Variants in PIBF1 observed in about 807,000 individuals in gnomAD.
PIBF1 encodes the protein progesterone-induced-blocking factor 1.
A neutral mutation model predicts 112.5 loss-of-function variants in PIBF1; 90 were observed. That is an observed-to-expected ratio of 0.80 (90% CI 0.67 to 0.95). The LOEUF is 0.95. Ranked by LOEUF, PIBF1 falls within the 40% of genes least tolerant of loss-of-function variation. The pLI, the probability that PIBF1 is intolerant of heterozygous loss-of-function variation, is 0.00. For missense variants in PIBF1, 915 were observed against 852.3 expected (o/e 1.07, Z -0.92); for synonymous variants, 301 against 288.6 (o/e 1.04, Z -0.44).
intron 5 of PIBF1, among the ~76,000 whole-genome samples, chr13:72,800,508 A>G (rs2035416415): frequency 6.6e-6 from 1 of 152,216 alleles, no homozygotes; most frequent in South Asian, 2.1e-4. Flanking sequence ...ATGATCTTGG[A>G]TAAAAAACAG....
Position 72,890,857 on chromosome 13 carries a change from A to AG in PIBF1, c.1323-2927_1323-2926insG, listed in dbSNP as rs1296549317. Reference sequence around the variant, plus strand: ...ACTTTTGTAGCTATGTTTGTTCAACATTTTCAGAGTTCAGTTTAACAAAAT... The same window carrying AG: ...ACTTTTGTAGCTATGTTTGTTCAACAGTTTTCAGAGTTCAGTTTAACAAAAT... On this transcript the variant is annotated intron_variant, in intron 10 of 17. Transcript: ENST00000326291. Among the ~76,000 whole-genome samples, 16 of 152,228 alleles carry AG rather than the reference A, an allele frequency of 1.1e-4. No homozygotes were observed. The East Asian group carries it at 3.1e-3, about 29-fold the overall frequency.
chr13:72,937,555 C>T (rs966734760), intron 14 of PIBF1, among the ~76,000 whole-genome samples: 1 of 152,170 alleles, frequency 6.6e-6, no homozygotes, highest in African/African-American at 2.4e-5. Context: ...CACAGTGGCT[C>T]ATGCCTGTAA....
Position 72,944,257 on chromosome 13 carries a change from G to T in PIBF1, c.1833+12990G>T, listed in dbSNP as rs944381238. On this transcript the variant is annotated intron_variant, in intron 14 of 17. Transcript: ENST00000326291. ...AGGTCAGGAGTTGAAGACCAGCCTG[G>T]CCAACATGGTGAAACCCTGTCTCTA... Among the ~76,000 whole-genome samples the T allele has an allele frequency of 3.9e-5, 6 of 151,938 alleles. No individual in the cohort carries two copies. In the South Asian group the frequency reaches 1.2e-3, roughly 31 times the overall value.
intron 14 of PIBF1, among the ~76,000 whole-genome samples, chr13:72,956,439 C>A (rs1294798060): frequency 6.6e-6 from 1 of 152,050 alleles, no homozygotes; most frequent in Non-Finnish European, 1.5e-5. Flanking sequence ...AAAGTTAATA[C>A]CCTATCTTTG....
chr13:72,850,986 T>C (rs1390784476), intron 9 of PIBF1, among the ~76,000 whole-genome samples: 2 of 152,258 alleles, frequency 1.3e-5, no homozygotes, highest in Admixed American at 1.3e-4. Flanking sequence ...ATTTTATTTC[T>C]GGCTTATCAA....
chr13:72,867,003 A>G (rs1395590038), intron 10 of PIBF1, among the ~76,000 whole-genome samples: 3 of 152,194 alleles, frequency 2.0e-5, no homozygotes, highest in Non-Finnish European at 2.9e-5. Flanking sequence ...AAAAACAACC[A>G]ATATATAAGT....
chr13:73,008,997 CA>C (rs1422441619), intron 17 of PIBF1, among the ~76,000 whole-genome samples: 3 of 152,194 alleles, frequency 2.0e-5, no homozygotes, highest in Non-Finnish European at 4.4e-5. Flanking sequence ...ATAACTATTT[CA>C]GGACAAGTAT....
At chr13:72,965,451 C>A in intron 15 of PIBF1, 47 bp downstream of exon 15, 1 of 1,470,500 alleles carries the variant, frequency 6.8e-7, no homozygotes, top group Non-Finnish European at 9.3e-7. Context: ...GACATTGTTA[C>A]CATATTGCTG....
At chr13:72,864,994 A>C (rs1408605314) in intron 10 of PIBF1, among the ~76,000 whole-genome samples, 1 of 152,194 alleles carries the variant, frequency 6.6e-6, no homozygotes, top group East Asian at 1.9e-4. Flanking sequence ...TGTAGTCATC[A>C]TGAAAAGTTC....
chr13:72,787,945 C>T (rs2034691178), intron 2 of PIBF1, among the ~76,000 whole-genome samples: 1 of 152,158 alleles, frequency 6.6e-6, no homozygotes, highest in Non-Finnish European at 1.5e-5. Context: ...AGCCACTGCA[C>T]CCAGCCATGC....
At chr13:72,828,958 T>C (rs1334351866) in intron 8 of PIBF1, among the ~76,000 whole-genome samples, 4 of 152,242 alleles carry the variant, frequency 2.6e-5, no homozygotes, top group Admixed American at 6.5e-5. Context: ...TTCCTGACTT[T>C]TTAATGATTG....
At chr13:72,885,910 G>A (rs572419271) in intron 10 of PIBF1, among the ~76,000 whole-genome samples, 43 of 152,186 alleles carry the variant, frequency 2.8e-4, no homozygotes, top group African/African-American at 1.0e-3. Context: ...CATGACTCTG[G>A]TTGCTGTATT....
At chr13:72,963,878 T>C (rs1391803731) in intron 14 of PIBF1, among the ~76,000 whole-genome samples, 1 of 152,162 alleles carries the variant, frequency 6.6e-6, no homozygotes, top group Non-Finnish European at 1.5e-5. Context: ...AATTTCTTGC[T>C]GGTAGGAATG....
intron 6 of PIBF1, among the ~76,000 whole-genome samples, chr13:72,824,023 C>CT (rs925808303): frequency 4.0e-5 from 6 of 151,590 alleles, no homozygotes; most frequent in South Asian, 2.1e-4. Flanking sequence ...ACTGATACTT[C>CT]TTTTTTTTGA....
chr13:72,990,629 C>T (rs2043448714), intron 16 of PIBF1, among the ~76,000 whole-genome samples: 1 of 151,860 alleles, frequency 6.6e-6, no homozygotes, highest in Non-Finnish European at 1.5e-5. Flanking sequence ...GGGTGGATCA[C>T]CCAAGGTCAG....
chr13:72,837,191 G>C (rs889318142), intron 9 of PIBF1, among the ~76,000 whole-genome samples: 1 of 151,824 alleles, frequency 6.6e-6, no homozygotes, highest in African/African-American at 2.4e-5. Context: ...GAAATTATAC[G>C]TATTCTTAAA....
In PIBF1 at chr13:72,815,419, C is replaced by T. The variant is rs566946320; in HGVS notation, c.673-6430C>T. 9.9e-5 allele frequency among the ~76,000 whole-genome samples: 15 copies of T among 152,204 alleles called. 1 individual carries two copies. In the South Asian group the frequency reaches 1.5e-3, roughly 15 times the overall value. On this transcript the variant is annotated intron_variant, in intron 5 of 17. Coordinates refer to ENST00000326291, the MANE Select transcript of PIBF1 (RefSeq NM_006346.4). ...TTGTGAATGAAATATGTTCCCCCAC[C>T]GTTCATCTCTAGCAAGAAAAGAAAT... is the stretch of plus-strand genomic sequence containing the variant.
chr13:72,978,549 T>C (rs1392638950), intron 16 of PIBF1, among the ~76,000 whole-genome samples: 1 of 152,226 alleles, frequency 6.6e-6, no homozygotes, highest in Non-Finnish European at 1.5e-5. Context: ...TTTCTTTTTT[T>C]CATAAAATGA....
chr13:72,880,764 C>A (rs1275558031), intron 10 of PIBF1, among the ~76,000 whole-genome samples: 1 of 152,108 alleles, frequency 6.6e-6, no homozygotes, highest in Non-Finnish European at 1.5e-5. Flanking sequence ...TTATTTGAGA[C>A]CTTTTTTGTT....
Sources: gnomAD v4.1 joint callset for allele counts (sites outside exome capture counted in the v4.1 genomes callset) on GRCh38, gnomAD v4.1.1 for gene constraint, MANE v1.5 for transcripts, NCBI Gene and HGNC (gene_info 2026-07-23, HGNC 2026-07-21) for gene names.